The following RIMS1 variants were observed in gnomAD, a reference collection of about 807,000 sequenced individuals.
The protein encoded by RIMS1 is regulating synaptic membrane exocytosis 1, also known as regulating synaptic membrane exocytosis protein 1.
A neutral mutation model predicts 214.1 loss-of-function variants in RIMS1; 83 were observed. The observed-to-expected ratio is 0.39, with a 90% CI of 0.32 to 0.47. The LOEUF (loss-of-function observed/expected upper bound fraction) is 0.47. RIMS1 is among the 20% of genes least tolerant of loss of function. RIMS1 has a pLI of 0.99. For synonymous variants in RIMS1, 793 were observed against 786.8 expected (o/e 1.01, Z -0.13); for missense variants, 2,050 against 2,161.8 (o/e 0.95, Z 1.03).
At chr6:71,998,805 CA>C (rs1180839441) in intron 2 of RIMS1, among the ~76,000 whole-genome samples, 27 of 152,234 alleles carry the variant, frequency 1.8e-4, no homozygotes, top group African/African-American at 6.5e-4. Flanking sequence ...ACTTCAAATA[CA>C]TTCTGACTAT....
intron 4 of RIMS1, among the ~76,000 whole-genome samples, chr6:72,171,503 G>GATA (rs2047030849): frequency 6.6e-6 from 1 of 151,994 alleles, no homozygotes; most frequent in Non-Finnish European, 1.5e-5. Context: ...TTATAATGCT[G>GATA]ATAATGCTTA....
At chr6:71,887,572 G>C (rs1768164814) in intron 1 of RIMS1, among the ~76,000 whole-genome samples, 1 of 152,110 alleles carries the variant, frequency 6.6e-6, no homozygotes, top group South Asian at 2.1e-4. Flanking sequence ...AGAAACAAGG[G>C]GAGGCAGGAT....
chr6:72,001,127 A>AC (rs1350118486), intron 2 of RIMS1, among the ~76,000 whole-genome samples: 1 of 152,160 alleles, frequency 6.6e-6, no homozygotes, highest in African/African-American at 2.4e-5. Context: ...TATCAGAATT[A>AC]CCTAAAGGAG....
At chr6:72,353,656 G>T (rs1475789361) in intron 29 of RIMS1, among the ~76,000 whole-genome samples, 2 of 152,156 alleles carry the variant, frequency 1.3e-5, no homozygotes, top group Non-Finnish European at 2.9e-5. Context: ...ATTGGGAAGT[G>T]GTCACGTCAC....
At chr6:72,070,852 A>G (rs1364961241) in intron 2 of RIMS1, among the ~76,000 whole-genome samples, 1 of 152,184 alleles carries the variant, frequency 6.6e-6, no homozygotes, top group Non-Finnish European at 1.5e-5. Flanking sequence ...GAGTCAGCAA[A>G]CCATAGTTTG....
At chr6:72,200,637 G>A (rs1486967221) in intron 6 of RIMS1, among the ~76,000 whole-genome samples, 1 of 152,172 alleles carries the variant, frequency 6.6e-6, no homozygotes. Flanking sequence ...GCATAAAACA[G>A]AAGAGAGACT....
intron 13 of RIMS1, 94 bp from the exon 14 acceptor site, chr6:72,250,827 A>G (rs1390971731): frequency 1.6e-5 from 11 of 671,820 alleles, no homozygotes; most frequent in Non-Finnish European, 2.7e-5. Flanking sequence ...TATTAGTTAA[A>G]ATAATATAAA....
At chr6:72,361,088 CTTTCTTTCTTTTTTTTTTTTT>C (rs2097797209) in intron 29 of RIMS1, among the ~76,000 whole-genome samples, 2 of 61,622 alleles carry the variant, frequency 3.2e-5, no homozygotes, top group Non-Finnish European at 6.9e-5. Flanking sequence ...AGGAACGGGT[CTTTCTTTCTTTTTTTTTTTTT>C]TTTTTTTTTT....
intron 1 of RIMS1, among the ~76,000 whole-genome samples, chr6:71,930,631 G>T (rs1426302339): frequency 2.6e-5 from 4 of 151,948 alleles, no homozygotes. Flanking sequence ...TATTTTACTG[G>T]TTTTTGAGTG....
At chr6:72,109,914 A>G (rs1444692183) in intron 4 of RIMS1, among the ~76,000 whole-genome samples, 1 of 152,106 alleles carries the variant, frequency 6.6e-6, no homozygotes, top group Non-Finnish European at 1.5e-5. Flanking sequence ...TCAGCTTTCT[A>G]CATATGGCTA....
intron 29 of RIMS1, among the ~76,000 whole-genome samples, chr6:72,359,867 G>A (rs900872783): frequency 1.3e-5 from 2 of 152,008 alleles, no homozygotes; most frequent in African/African-American, 2.4e-5. Context: ...AAGAATTATT[G>A]TCCAAAATCA....
chr6:71,945,750 T>C (rs2151066556), intron 1 of RIMS1, among the ~76,000 whole-genome samples: 2 of 57,112 alleles, frequency 3.5e-5, no homozygotes, highest in Non-Finnish European at 6.3e-5. Flanking sequence ...GATGATGTAA[T>C]CTTTTTTTTT....
chr6:72,106,075 T>G (rs1239681933), intron 4 of RIMS1, among the ~76,000 whole-genome samples: 1 of 152,210 alleles, frequency 6.6e-6, no homozygotes, highest in African/African-American at 2.4e-5. Context: ...ATATATGGCC[T>G]TACTAAGGCA....
At chr6:72,341,079 CTGTT>C (rs1203840862) in intron 29 of RIMS1, among the ~76,000 whole-genome samples, 1 of 151,898 alleles carries the variant, frequency 6.6e-6, no homozygotes, top group Non-Finnish European at 1.5e-5. Flanking sequence ...ATTTGGCTCT[CTGTT>C]TGTCTGTTAT....
At chr6:72,260,683 AC>A (rs1333761964) in intron 18 of RIMS1, 21 bp from the exon 19 acceptor site, 26 of 1,611,318 alleles carry the variant, frequency 1.6e-5, no homozygotes, top group Non-Finnish European at 2.1e-5. Context: ...TGTTTCACTC[AC>A]CACCCATCCT....
At chr6:72,152,846 G>A (rs1217015822) in intron 4 of RIMS1, among the ~76,000 whole-genome samples, 1 of 52,376 alleles carries the variant, frequency 1.9e-5, no homozygotes, top group African/African-American at 1.0e-4. Flanking sequence ...ATGTATATAT[G>A]GAATATATGT....
At chr6:72,130,914 A>G (rs1039730993) in intron 4 of RIMS1, among the ~76,000 whole-genome samples, 3 of 152,100 alleles carry the variant, frequency 2.0e-5, no homozygotes, top group Admixed American at 2.0e-4. Flanking sequence ...GCCTTGAGAG[A>G]CTCCCCAAAA....
rs759469716 is a variant in RIMS1, at chr6:72,179,819, C to A, written c.716C>A (p.Pro239Gln). 1.2e-6 allele frequency: 2 copies of A among 1,613,334 alleles called. No individual in the cohort carries two copies. The highest frequency in any genetic ancestry group is 2.7e-5 in the African/African-American group (2 of 74,908). The change falls in exon 5 of 34, where the codon CCA becomes CAA. Residue 239 changes from proline (P) to glutamine (Q), a missense_variant. Physicochemically the swap from Pro to Gln is moderately conservative, Grantham distance 76. Transcript: ENST00000521978. ...GATGCTGCTCCTCCCAGCGCACCAC[C>A]AGACAGGAGCAAAGGGGCTGAGCCC... Reference protein sequence around the residue: ...SQDAAPPSAPPDRSKGAEPSQ... With the variant: ...SQDAAPPSAPQDRSKGAEPSQ...
Position 72,251,268 on chromosome 6 carries a change from A to G in RIMS1, c.2598A>G (p.Lys866=). The change falls in exon 15 of 34, where the codon AAA becomes AAG. Residue 866 remains lysine (K), a synonymous_variant. Transcript: ENST00000521978. ...ALLDDEPHWY[K]LQTHDESSLP... ...TAGATGATGAACCGCATTGGTATAA[A>G]CTTCAGACACATGATGAGTCTTCAC... 6.3e-7 allele frequency: 1 copy of G among 1,598,712 alleles called. No individual in the cohort carries two copies.
Sources: allele counts gnomAD v4.1 joint callset (sites outside exome capture counted in the v4.1 genomes callset), GRCh38; gene constraint gnomAD v4.1.1; transcripts MANE v1.5; gene names NCBI Gene and HGNC (gene_info 2026-07-23, HGNC 2026-07-21).